AARS2: variants seen among roughly 807,000 people sequenced by gnomAD.
AARS2 encodes the protein alanyl-tRNA synthetase 2, mitochondrial, also known as alanine--tRNA ligase, mitochondrial.
A neutral mutation model predicts 119.7 loss-of-function variants in AARS2; 78 were observed. The observed-to-expected ratio is 0.65, with a 90% CI of 0.54 to 0.79. AARS2 has a LOEUF of 0.79. Among genes scored for constraint, AARS2 ranks in the 30% least tolerant of loss-of-function variants. The pLI is 0.00. For missense variants in AARS2, 1,157 were observed against 1,291.3 expected (o/e 0.90, Z 1.59); for synonymous variants, 502 against 526.3 (o/e 0.95, Z 0.63).
chr6:44,313,238 G>A lies in AARS2; in HGVS notation c.86C>T (p.Pro29Leu). ...GGCTGCAGGGGGCTCCGATGAGAGC[G>A]GCCGATGGCTGAGGCCCCGCCATGC... ...SPAWRGLSHR[P>L]LSSEPPAAKA... The change falls in exon 1 of 22, where the codon CCG becomes CTG. Residue 29 changes from proline to leucine, a missense_variant. Physicochemically the swap from Pro to Leu is moderately conservative, Grantham distance 98. Transcript: ENST00000244571. The A allele has an allele frequency of 1.3e-6, 2 of 1,589,088 alleles. No homozygotes were observed. The highest frequency in any genetic ancestry group is 1.3e-5 in the African/African-American group (1 of 74,744).
chr6:44,310,529 G>A (rs975428546), intron 4 of AARS2, 86 bp from the exon 5 acceptor site: 3 of 1,556,256 alleles, frequency 1.9e-6, no homozygotes, highest in African/African-American at 1.4e-5. Flanking sequence ...GAAATGGGGG[G>A]GGGCCCAAGG....
Position 44,313,313 on chromosome 6 carries a change from G to T in AARS2, c.11C>A (p.Ser4Ter), listed in dbSNP as rs751489152. The T allele has an allele frequency of 6.2e-7, 1 of 1,601,944 alleles. No individual in the cohort carries two copies. Among genetic ancestry groups the T allele is most frequent in the Non-Finnish European group, 8.5e-7 (1 of 1,178,722 alleles). Reference sequence around the variant, plus strand: ...CAGCCTCCGGGCTGCAGCTGCCACTGACGCTGCCATCGTAGCTCCGGGCAG... The same window carrying T: ...CAGCCTCCGGGCTGCAGCTGCCACTTACGCTGCCATCGTAGCTCCGGGCAG... The part of the protein sequence containing the change: MAA[S>*]VAAAARRLRR... Residue 4 changes from serine to a stop codon, truncating the protein, a stop_gained, in exon 1 of 22, where the codon TCA (serine) becomes TAA (stop). Coordinates refer to ENST00000244571, the MANE Select transcript of AARS2 (RefSeq NM_020745.4). LOFTEE classifies it high-confidence loss of function.
intron 5 of AARS2, 100 bp downstream of exon 5, chr6:44,310,199 T>C: frequency 6.9e-7 from 1 of 1,458,508 alleles, no homozygotes; most frequent in Non-Finnish European, 9.4e-7. Context: ...TGTCCTCAGA[T>C]GCTGAGAACA....
chr6:44,301,560 T>A, intron 19 of AARS2, 96 bp from the exon 20 acceptor site: 1 of 1,193,618 alleles, frequency 8.4e-7, no homozygotes, highest in Non-Finnish European at 1.2e-6. Flanking sequence ...AGCAATCCCC[T>A]GCTTCCCCCA....
At position 44,302,920 on chromosome 6, in the gene AARS2, G is replaced by C. The variant is rs758980971; in HGVS notation, c.2256-10C>G. 1 of 1,613,300 alleles carries C rather than the reference G, an allele frequency of 6.2e-7. No individual in the cohort carries two copies. The highest frequency in any genetic ancestry group is 1.3e-5 in the African/African-American group (1 of 75,046). On this transcript the variant is annotated splice_polypyrimidine_tract_variant and intron_variant, in intron 16 of 21. Transcript: ENST00000244571. ...AGTACGTAACAGGTGCCTGTGGGAG[G>C]AAGGAGTGAACAGAAAGTCGGGGCA...
intron 5 of AARS2, among the ~76,000 whole-genome samples, chr6:44,308,357 G>A (rs1421753432): frequency 6.6e-6 from 1 of 152,060 alleles, no homozygotes; most frequent in East Asian, 1.9e-4. Flanking sequence ...GGCCAATCCT[G>A]GTGAAACCCC....
At position 44,312,229 on chromosome 6, in the gene AARS2, C is replaced by T. The variant is rs1218013224; in HGVS notation, c.278G>A (p.Arg93Gln). ...KPIFLGTVDP[R>Q]SEMAGFRRVA... ...ACGTCGGAAGCCTGCCATCTCGCTT[C>T]GTGGATCCACGGTGCCCAGAAAGAT... Residue 93 changes from arginine (R) to glutamine (Q), a missense_variant, in exon 2 of 22, where the codon CGA becomes CAA. Arg to Gln is a conservative substitution (Grantham distance 43). Coordinates refer to ENST00000244571, the MANE Select transcript of AARS2 (RefSeq NM_020745.4). 1.2e-6 allele frequency: 2 copies of T among 1,613,890 alleles called. No individual in the cohort carries two copies. The highest frequency in any genetic ancestry group is 1.7e-6 in the Non-Finnish European group (2 of 1,179,844).
At position 44,304,894 on chromosome 6, in the gene AARS2, C is replaced by G. The variant is rs1029245018; in HGVS notation, c.1580-77G>C. ...AGGTGGGTCTGTGCCTGGAGGCCAACAAGCACCCCCGCTGGCAGGGGCACT... is the reference window on the plus strand; with the variant it reads ...AGGTGGGTCTGTGCCTGGAGGCCAAGAAGCACCCCCGCTGGCAGGGGCACT... On this transcript the variant is annotated intron_variant, in intron 11 of 21. Transcript: ENST00000244571. The G allele has an allele frequency of 5.0e-6, 8 of 1,609,376 alleles. No individual in the cohort carries two copies. The Admixed American group carries it at 1.2e-4, about 23-fold the overall frequency.
In AARS2 at chr6:44,305,977, G is replaced by A. The variant is rs1166666877; in HGVS notation, c.1301-191C>T. On this transcript the variant is annotated intron_variant, in intron 9 of 21. Transcript: ENST00000244571. This position sits in a 1 kb window ranked among gnomAD's most constrained non-coding sequence, Gnocchi z 4.6. ...TCATGCCTCAAGGCCAGAGCTGGGGGTAGTCCAGGGTACTCCCTGGGCACA... is the reference window on the plus strand; with the variant it reads ...TCATGCCTCAAGGCCAGAGCTGGGGATAGTCCAGGGTACTCCCTGGGCACA... Among the ~76,000 whole-genome samples, 3 of 152,158 alleles carry A rather than the reference G, an allele frequency of 2.0e-5. No homozygotes were observed. The highest frequency in any genetic ancestry group is 4.4e-5 in the Non-Finnish European group (3 of 68,016).
rs760607472 is a variant in AARS2, at chr6:44,304,157, C to T, written c.2007+24G>A. 4 of 1,612,352 alleles carry T rather than the reference C, an allele frequency of 2.5e-6. No individual in the cohort carries two copies. The South Asian group carries it at 3.3e-5, about 13-fold the overall frequency. The stretch of plus-strand genomic sequence containing the variant: ...TTTATGCCTGTCACCTCACATGAAG[C>T]CTGTCTTTCTATGCCGGGCTCACCT... On this transcript the variant is annotated intron_variant, in intron 14 of 21. Transcript: ENST00000244571.
Position 44,303,175 on chromosome 6 carries a change from C to T in AARS2, c.2146G>A (p.Val716Ile), listed in dbSNP as rs376864878. The change falls in exon 16 of 22, where the codon GTT becomes ATT. Residue 716 changes from valine to isoleucine, a missense_variant and splice_region_variant. Coordinates refer to ENST00000244571, the MANE Select transcript of AARS2 (RefSeq NM_020745.4). ...QVPGLRSLDE[V>I]YPDPVRVVSV... The stretch of plus-strand genomic sequence containing the variant: ...ACCACCCGCACAGGGTCTGGGTAAA[C>T]CTGAGGTCAAGAGGGGACAGGCCCG... 7.4e-6 allele frequency: 12 copies of T among 1,614,060 alleles called. No individual in the cohort carries two copies. The highest frequency in any genetic ancestry group is 1.0e-5 in the Non-Finnish European group (12 of 1,180,036).
intron 4 of AARS2, 57 bp downstream of exon 4, chr6:44,310,937 T>G: frequency 6.2e-7 from 1 of 1,609,098 alleles, no homozygotes; most frequent in Non-Finnish European, 8.5e-7. Flanking sequence ...AGTCTTCTAA[T>G]TGCCACCTTT....
intron 19 of AARS2, 54 bp from the exon 20 acceptor site, chr6:44,301,518 T>C: frequency 6.6e-7 from 1 of 1,522,232 alleles, no homozygotes; most frequent in Non-Finnish European, 9.1e-7. Flanking sequence ...AGGTTTCCAA[T>C]TAGCCCCAAC....
Position 44,305,135 on chromosome 6 carries a change from C to T in AARS2, c.1498G>A (p.Gly500Arg), listed in dbSNP as rs1305878208. ...QGLWLDVHAL[G>R]ELQRQGVPPT... is the part of the protein sequence containing the mutation. ...GGCACTCCTTGGCGCTGCAGCTCCC[C>T]AAGCGCATGGACATCAAGCCACAAT... Residue 500 changes from glycine to arginine, a missense_variant, in exon 11 of 22, where the codon GGG becomes AGG. Physicochemically the swap from Gly to Arg is moderately radical, Grantham distance 125. Transcript: ENST00000244571. The surrounding 1 kb of genome is among the most constrained non-coding windows in gnomAD (Gnocchi z 4.6). 1.2e-6 allele frequency: 2 copies of T among 1,613,790 alleles called. No individual in the cohort carries two copies. The highest frequency in any genetic ancestry group is 2.2e-5 in the South Asian group (2 of 91,078).
chr6:44,302,501 C>A lies in AARS2; in HGVS notation c.2377G>T (p.Gly793Cys). The change falls in exon 18 of 22, where the codon GGC (glycine) becomes TGC (cysteine). Residue 793 changes from glycine to cysteine, a missense_variant. Coordinates refer to ENST00000244571, the MANE Select transcript of AARS2 (RefSeq NM_020745.4). ...TTCACTTCCTGGGCCAGGCTCTGGC[C>A]TAGCTCTCGGGCCTGCAGGGAGGGG... ...GEQAQQARELGQSLAQEVKAA... is the reference protein window; with the variant it reads ...GEQAQQARELCQSLAQEVKAA... 6.2e-7 allele frequency: 1 copy of A among 1,614,068 alleles called. No individual in the cohort carries two copies. Among genetic ancestry groups the A allele is most frequent in the South Asian group, 1.1e-5 (1 of 91,076 alleles).
At chr6:44,309,608 C>T (rs1033259777) in intron 5 of AARS2, among the ~76,000 whole-genome samples, 5 of 152,204 alleles carry the variant, frequency 3.3e-5, no homozygotes, top group Admixed American at 2.0e-4. Context: ...AAGCAGGGAG[C>T]TTGATTCACC....
Position 44,311,498 on chromosome 6 carries a change from T to G in AARS2, c.473A>C (p.Gln158Pro). The G allele has an allele frequency of 6.2e-7, 1 of 1,613,952 alleles. No homozygotes were observed. The change falls in exon 3 of 22, where the codon CAG (glutamine) becomes CCG (proline). Residue 158 changes from glutamine (Q) to proline (P), a missense_variant. By Grantham distance (76) the Gln-to-Pro change is moderately conservative. Coordinates refer to ENST00000244571, the MANE Select transcript of AARS2 (RefSeq NM_020745.4). ...CCTTTCCTCAGGGATCCCATAGACC[T>G]GAGTCAGCAGTTCCCAGGCCATGTT... Reference protein sequence around the residue: ...ACNMAWELLTQVYGIPEERLW... With the variant: ...ACNMAWELLTPVYGIPEERLW...
At position 44,307,322 on chromosome 6, in the gene AARS2, C is replaced by T. The variant is rs770774995; in HGVS notation, c.967G>A (p.Val323Met). Reference sequence around the variant, plus strand: ...AGTGTGCGGATGTGGTCAGCCACCACGCGGTACGCTGTGTCTGTGCGCCCC... The same window carrying T: ...AGTGTGCGGATGTGGTCAGCCACCATGCGGTACGCTGTGTCTGTGCGCCCC... ...DEGRTDTAYR[V>M]VADHIRTLSV... The change falls in exon 6 of 22, where the codon GTG becomes ATG. Residue 323 changes from valine to methionine, a missense_variant. Transcript: ENST00000244571. The surrounding 1 kb of genome is among the most constrained non-coding windows in gnomAD (Gnocchi z 4.4). 3.8e-5 allele frequency: 62 copies of T among 1,613,526 alleles called. No individual in the cohort carries two copies. In the Middle Eastern group the frequency reaches 1.8e-3, roughly 47 times the overall value.
chr6:44,300,571 T>C lies in AARS2; in HGVS notation c.2934A>G (p.Gln978=), dbSNP rs564075656. Residue 978 remains glutamine (Q), a synonymous_variant, in exon 22 of 22, where the codon CAA becomes CAG. Coordinates refer to ENST00000244571, the MANE Select transcript of AARS2 (RefSeq NM_020745.4). ...GTCAGAGCTGGCTGAGGGCATAGGT[T>C]TGGGCTATACTGAGGGCAGCTTCCA... is the stretch of plus-strand genomic sequence containing the variant. ...TDLEAALSIA[Q]TYALSQL 6.2e-7 allele frequency: 1 copy of C among 1,614,084 alleles called. No individual in the cohort carries two copies. The highest frequency in any genetic ancestry group is 8.5e-7 in the Non-Finnish European group (1 of 1,180,042).
Sources: gnomAD v4.1 joint callset for allele counts (sites outside exome capture counted in the v4.1 genomes callset) on GRCh38, gnomAD v4.1.1 for gene constraint, Gnocchi (gnomAD v3.1) non-coding constraint, MANE v1.5 for transcripts, NCBI Gene and HGNC (gene_info 2026-07-23, HGNC 2026-07-21) for gene names.